The following HLTF variants were observed in gnomAD, a reference collection of about 807,000 sequenced individuals.
HLTF encodes the protein DNA-dependent ATPase/E3 ubiquitin-protein ligase HLTF.
Under a neutral mutation model 129.4 loss-of-function variants are expected in HLTF, and 127 were observed. The ratio of observed to expected loss-of-function variants is 0.98; its 90% CI spans 0.85 to 1.14. The LOEUF is 1.14. Among genes scored for constraint, HLTF ranks in the 50% most tolerant of loss-of-function variants. HLTF has a pLI of 0.00. For synonymous variants in HLTF, 332 were observed against 388.8 expected (o/e 0.85, Z 1.72); for missense variants, 1,139 against 1,187.1 (o/e 0.96, Z 0.60).
At chr3:149,072,993 T>A (rs1719004368) in intron 5 of HLTF, among the ~76,000 whole-genome samples, 2 of 152,222 alleles carry the variant, frequency 1.3e-5, no homozygotes. Flanking sequence ...GGAACGTGTG[T>A]GTTTTGTATG....
chr3:149,040,884 A>T (rs1018910999), intron 20 of HLTF, among the ~76,000 whole-genome samples: 1 of 152,118 alleles, frequency 6.6e-6, no homozygotes, highest in Non-Finnish European at 1.5e-5. Context: ...CATATGTTAT[A>T]TATCAATTTA....
Position 149,060,640 on chromosome 3 carries a change from T to C in HLTF, c.1285+3A>G, listed in dbSNP as rs1434865761. The stretch of plus-strand genomic sequence containing the variant: ...AGATTATGGGTATATAGTATACACA[T>C]ACCTTTCGCCCTGCCTTTAGTTTCA... On this transcript the variant is annotated splice_donor_region_variant and intron_variant, in intron 12 of 24. Coordinates refer to ENST00000310053, the MANE Select transcript of HLTF (RefSeq NM_003071.4). 4 of 1,607,706 alleles carry C rather than the reference T, an allele frequency of 2.5e-6. No individual in the cohort carries two copies. In the Admixed American group the frequency reaches 6.7e-5, roughly 27 times the overall value.
intron 14 of HLTF, among the ~76,000 whole-genome samples, chr3:149,051,506 G>T (rs968361006): frequency 6.6e-6 from 1 of 152,134 alleles, no homozygotes; most frequent in African/African-American, 2.4e-5. Context: ...ACAGAATACC[G>T]GTATGTAAGG....
At chr3:149,049,193 C>T (rs13317754) in intron 15 of HLTF, among the ~76,000 whole-genome samples, 192 bp from the exon 16 acceptor site, 45,331 of 151,954 alleles carry the variant, frequency 0.3, 7,480 homozygotes, top group Middle Eastern at 0.45. Context: ...CCTAATTTTA[C>T]AGATAAGAAA....
At chr3:149,080,153 AG>A (rs1385964784) in intron 2 of HLTF, among the ~76,000 whole-genome samples, 12 of 152,194 alleles carry the variant, frequency 7.9e-5, no homozygotes, top group Admixed American at 7.9e-4. Flanking sequence ...CCATATACAC[AG>A]GAAGAAGACT....
chr3:149,052,540 GA>G (rs1483724594), intron 14 of HLTF, among the ~76,000 whole-genome samples: 1 of 152,132 alleles, frequency 6.6e-6, no homozygotes, highest in Non-Finnish European at 1.5e-5. Flanking sequence ...CAAGGCAGAG[GA>G]AAAGGGGAGC....
chr3:149,081,683 T>C (rs1719889530), intron 2 of HLTF, among the ~76,000 whole-genome samples: 1 of 152,294 alleles, frequency 6.6e-6, no homozygotes, highest in South Asian at 2.1e-4. Context: ...AATTATGTTC[T>C]GGCAGACATT....
intron 8 of HLTF, among the ~76,000 whole-genome samples, chr3:149,067,174 A>G: frequency 6.6e-6 from 1 of 151,328 alleles, no homozygotes; most frequent in East Asian, 1.9e-4. Context: ...TATATTATAT[A>G]CATATATATA....
chr3:149,048,734 A>T lies in HLTF; in HGVS notation c.1756+129T>A, dbSNP rs1192456357. 44 of 658,990 alleles carry T rather than the reference A, an allele frequency of 6.7e-5. No homozygotes were observed. In the South Asian group the frequency reaches 8.7e-4, roughly 13 times the overall value. 40.8% of individuals were successfully genotyped at this position (658,990 alleles called of 1,614,324 possible). On this transcript the variant is annotated intron_variant, in intron 16 of 24. Coordinates refer to ENST00000310053, the MANE Select transcript of HLTF (RefSeq NM_003071.4). ...GAAGAACAACTCAAAACATTTGATTAAATTATTTATATGATTAATTTTGGG... is the reference window on the plus strand; with the variant it reads ...GAAGAACAACTCAAAACATTTGATTTAATTATTTATATGATTAATTTTGGG...
chr3:149,046,182 T>TC lies in HLTF; in HGVS notation c.1969dup (p.Glu657GlyfsTer6), dbSNP rs1559860431. On this transcript the variant is annotated frameshift_variant, in exon 18 of 25. Transcript: ENST00000310053. LOFTEE classifies it high-confidence loss of function. ...AATAAATACTTTACGTTCTGGTAAC[T>TC]CCAAAACAGGTTTTCCTTTAATTTT... 4 of 1,607,498 alleles carry TC rather than the reference T, an allele frequency of 2.5e-6. No individual in the cohort carries two copies. The highest frequency in any genetic ancestry group is 3.4e-5 in the Admixed American group (2 of 59,602).
At chr3:149,041,424 T>G in intron 20 of HLTF, 66 bp downstream of exon 20, 2 of 1,032,918 alleles carry the variant, frequency 1.9e-6, no homozygotes, top group Non-Finnish European at 1.3e-6. Flanking sequence ...ATACTATCTT[T>G]TATTATATTA....
intron 14 of HLTF, among the ~76,000 whole-genome samples, chr3:149,054,922 T>C (rs1049936726): frequency 6.6e-6 from 1 of 152,212 alleles, no homozygotes; most frequent in African/African-American, 2.4e-5. Context: ...TCACTAACTG[T>C]TGTTATTGTT....
At chr3:149,038,822 C>A (rs1715868354) in intron 23 of HLTF, among the ~76,000 whole-genome samples, 1 of 152,058 alleles carries the variant, frequency 6.6e-6, no homozygotes, top group South Asian at 2.1e-4. Flanking sequence ...CAAAACAGAG[C>A]ATTTAATAAT....
At chr3:149,052,148 TAAAAAAAAAAA>T (rs1178338781) in intron 14 of HLTF, 6 of 63,064 alleles carry the variant, frequency 9.5e-5, no homozygotes, top group African/African-American at 3.3e-4. Context: ...AGCAAGACTG[TAAAAAAAAAAA>T]AAAAAAAAAA....
intron 23 of HLTF, 100 bp from the exon 24 acceptor site, chr3:149,035,098 C>G: frequency 1.1e-6 from 1 of 914,904 alleles, no homozygotes; most frequent in Non-Finnish European, 1.8e-6. Context: ...CTTTTTCTGA[C>G]TGAAAGTTTT....
intron 5 of HLTF, among the ~76,000 whole-genome samples, chr3:149,072,608 A>G (rs542373628): frequency 6.5e-4 from 99 of 152,334 alleles, no homozygotes; most frequent in African/African-American, 2.3e-3. Context: ...GGCCAGGTCT[A>G]AAAAATCAGA....
At position 149,059,804 on chromosome 3, in the gene HLTF, C is replaced by A. The variant is rs746039113; in HGVS notation, c.1289G>T (p.Gly430Val). The A allele has an allele frequency of 1.3e-5, 20 of 1,582,596 alleles. No individual in the cohort carries two copies. Among genetic ancestry groups the A allele is most frequent in the Non-Finnish European group, 1.7e-5 (20 of 1,161,882 alleles). Residue 430 changes from glycine (G) to valine (V), a missense_variant, in exon 13 of 25, where the codon GGA becomes GTA. Coordinates refer to ENST00000310053, the MANE Select transcript of HLTF (RefSeq NM_003071.4). ...QSETKGRAKA[G>V]SSKVIEDVAF... ...CACATCTTCTATAACCTTAGAAGAT[C>A]CTGCTGATAAAACAACAAAGAATCT... is the stretch of plus-strand genomic sequence containing the variant.
intron 12 of HLTF, 21 bp from the exon 13 acceptor site, chr3:149,059,828 C>T (rs769285610): frequency 6.5e-7 from 1 of 1,539,224 alleles, no homozygotes; most frequent in Non-Finnish European, 8.9e-7. Flanking sequence ...AACAAAGAAT[C>T]TTAAATTTTT....
chr3:149,040,358 A>C (rs546575505), intron 20 of HLTF: 1 of 477,502 alleles, frequency 2.1e-6, no homozygotes, highest in African/African-American at 2.0e-5. Context: ...CGGATAAAGG[A>C]GGGAGCAAAA....
Sources: gnomAD v4.1 joint callset for allele counts (sites outside exome capture counted in the v4.1 genomes callset) on GRCh38, gnomAD v4.1.1 for gene constraint, MANE v1.5 for transcripts, NCBI Gene and HGNC (gene_info 2026-07-23, HGNC 2026-07-21) for gene names.